The following WIPI1 variants were observed in gnomAD, a reference collection of about 807,000 sequenced individuals.
The protein encoded by WIPI1 is WD repeat domain, phosphoinositide interacting 1, also known as WD repeat domain phosphoinositide-interacting protein 1.
Under a neutral mutation model 55.3 loss-of-function variants are expected in WIPI1, and 45 were observed. The observed-to-expected ratio is 0.81, with a 90% CI of 0.64 to 1.04. The LOEUF is 1.04. WIPI1 is among the 50% of genes least tolerant of loss of function. WIPI1 has a pLI of 0.00. For synonymous variants in WIPI1, 195 were observed against 217.6 expected (o/e 0.90, Z 0.92); for missense variants, 445 against 559.0 (o/e 0.80, Z 2.06).
chr17:68,456,849 G>A (rs957248881), intron 1 of WIPI1, among the ~76,000 whole-genome samples: 4 of 152,228 alleles, frequency 2.6e-5, no homozygotes, highest in African/African-American at 9.6e-5. Context: ...CTTTGTCCGA[G>A]GCCCTGCCCA....
chr17:68,445,985 A>G (rs1475016368), intron 3 of WIPI1, among the ~76,000 whole-genome samples: 15 of 152,170 alleles, frequency 9.9e-5, no homozygotes, highest in African/African-American at 4.8e-5. Flanking sequence ...CTCAAGAACC[A>G]CTGGTCTCAG....
At chr17:68,429,774 A>G (rs1051533155) in intron 9 of WIPI1, among the ~76,000 whole-genome samples, 2 of 152,146 alleles carry the variant, frequency 1.3e-5, no homozygotes, top group Non-Finnish European at 2.9e-5. Flanking sequence ...TTTTTAGTAG[A>G]GACGGGATTT....
At chr17:68,439,755 G>A (rs929438186) in intron 4 of WIPI1, among the ~76,000 whole-genome samples, 5 of 152,200 alleles carry the variant, frequency 3.3e-5, no homozygotes, top group African/African-American at 4.8e-5. Context: ...AACTCTGGCC[G>A]AGTTATTTGC....
chr17:68,433,400 G>T (rs1222000071), intron 8 of WIPI1, 68 bp downstream of exon 8: 1 of 1,338,946 alleles, frequency 7.5e-7, no homozygotes, highest in Non-Finnish European at 1.1e-6. Context: ...GATCATTCAT[G>T]CCAGTAGAAG....
At chr17:68,457,206 A>T in intron 1 of WIPI1, 136 bp downstream of exon 1, 1 of 1,032,774 alleles carries the variant, frequency 9.7e-7, no homozygotes, top group Non-Finnish European at 1.4e-6. Flanking sequence ...CAAGATCCCA[A>T]TGCGTCCGAA....
intron 4 of WIPI1, among the ~76,000 whole-genome samples, chr17:68,441,692 C>T (rs980644693): frequency 2.6e-5 from 4 of 152,130 alleles, no homozygotes; most frequent in Admixed American, 1.3e-4. Flanking sequence ...ATGGACAGGG[C>T]GGACCCACCT....
At chr17:68,457,312 C>T in intron 1 of WIPI1, 30 bp downstream of exon 1, 1 of 1,539,678 alleles carries the variant, frequency 6.5e-7, no homozygotes, top group Admixed American at 2.0e-5. Context: ...TGTCCCCCAC[C>T]TCCCTGGCAG....
rs887146669 is a variant in WIPI1 at position 68,427,182 on chromosome 17, G to A, written c.1145C>T (p.Ala382Val). 2 of 1,614,022 alleles carry A rather than the reference G, an allele frequency of 1.2e-6. No individual in the cohort carries two copies. Among genetic ancestry groups the A allele is most frequent in the Admixed American group, 1.7e-5 (1 of 60,000 alleles). Residue 382 changes from alanine (A) to valine (V), a missense_variant, in exon 11 of 13, where the codon GCA becomes GTA. Coordinates refer to ENST00000262139, the MANE Select transcript of WIPI1 (RefSeq NM_017983.7). ...DLRPSLPQSYAATVARPSASS... is the reference protein window; with the variant it reads ...DLRPSLPQSYVATVARPSASS... ...TGCACTTGGTCTGGCTACGGTCGCTGCATAAGACTGAGGTAAGGAAGGTCT... is the reference window on the plus strand; with the variant it reads ...TGCACTTGGTCTGGCTACGGTCGCTACATAAGACTGAGGTAAGGAAGGTCT...
In WIPI1 at chr17:68,433,841, G is replaced by A. The variant is rs147513956; in HGVS notation, c.693-266C>T. ...TCTGTTGCCCAGGCTGGAGTACGGT[G>A]GCTTGATCTCAACTCACTGCAACCT... On this transcript the variant is annotated intron_variant, in intron 7 of 12. Transcript: ENST00000262139. Among the ~76,000 whole-genome samples the A allele has an allele frequency of 2.0e-3, 258 of 130,094 alleles. 2 individuals are homozygous for A. Among genetic ancestry groups the A allele is most frequent in the African/African-American group, 7.1e-3 (238 of 33,468 alleles). The allele number at this position is 130,094 out of a possible 152,430, so 85.3% of individuals were successfully genotyped here.
In WIPI1 at chr17:68,426,168, A is replaced by C; in HGVS notation, c.1200T>G (p.Ser400=). ...ASSASTVPGY[S]EDGGALRGEV... is the part of the protein sequence containing the mutation. ...CTCCTCGCAGCGCCCCGCCGTCCTC[A>C]GAATAACCTGGAAACCAAGAAAGAG... The change falls in exon 12 of 13, where the codon TCT becomes TCG. Residue 400 remains serine (S), a synonymous_variant. Coordinates refer to ENST00000262139, the MANE Select transcript of WIPI1 (RefSeq NM_017983.7). The C allele has an allele frequency of 1.9e-6, 3 of 1,606,636 alleles. No homozygotes were observed. Among genetic ancestry groups the C allele is most frequent in the Non-Finnish European group, 2.6e-6 (3 of 1,176,410 alleles).
At chr17:68,434,423 G>A in intron 7 of WIPI1, 133 bp downstream of exon 7, 1 of 828,512 alleles carries the variant, frequency 1.2e-6, no homozygotes, top group Non-Finnish European at 1.9e-6. Context: ...CAATTACCTG[G>A]GAGAGTAGTT....
chr17:68,444,234 C>T (rs1289975190), intron 4 of WIPI1, among the ~76,000 whole-genome samples: 1 of 152,222 alleles, frequency 6.6e-6, no homozygotes, highest in Non-Finnish European at 1.5e-5. Flanking sequence ...CGTGCCTTGA[C>T]ACATTTGCTG....
chr17:68,421,447 T>C lies in WIPI1; in HGVS notation c.*326A>G, dbSNP rs112177875. ...AAGAGATGTTCCTATAAGTACATTT[T>C]TTACACGGCATATATTTAAAAAGGA... On this transcript the variant is annotated 3_prime_UTR_variant, in exon 13 of 13. Coordinates refer to ENST00000262139, the MANE Select transcript of WIPI1 (RefSeq NM_017983.7). The C allele has an allele frequency of 9.2e-6, 3 of 324,516 alleles. No individual in the cohort carries two copies. Among genetic ancestry groups the C allele is most frequent in the African/African-American group, 2.1e-5 (1 of 48,540 alleles). 20.1% of individuals were successfully genotyped at this position (324,516 alleles called of 1,614,324 possible).
At position 68,457,392 on chromosome 17, in the gene WIPI1, C is replaced by CG; in HGVS notation, c.29dup (p.Gly12ArgfsTer3). ...AGCTGAGCGCCGACTCAACCCCGCC[C>CG]GGGGGAGCGTCCGCGGCCTCGGCCT... is the stretch of plus-strand genomic sequence containing the variant. On this transcript the variant is annotated frameshift_variant, in exon 1 of 13. Coordinates refer to ENST00000262139, the MANE Select transcript of WIPI1 (RefSeq NM_017983.7). LOFTEE classifies it high-confidence loss of function. The CG allele has an allele frequency of 6.5e-7, 1 of 1,534,758 alleles. No individual in the cohort carries two copies. Among genetic ancestry groups the CG allele is most frequent in the Non-Finnish European group, 8.8e-7 (1 of 1,142,018 alleles).
At position 68,435,704 on chromosome 17, in the gene WIPI1, G is replaced by A. The variant is rs368362103; in HGVS notation, c.537C>T (p.Val179=). ...VLYDGNSLKT[V]CTIAAHEGTL... ...TTCCCTCATGGGCAGCAATAGTGCA[G>A]ACTGTTTTCTGTTGGTGAAAAGGAA... is the stretch of plus-strand genomic sequence containing the variant. Residue 179 remains valine, a synonymous_variant, in exon 6 of 13, where the codon GTC becomes GTT. Coordinates refer to ENST00000262139, the MANE Select transcript of WIPI1 (RefSeq NM_017983.7). 6.2e-7 allele frequency: 1 copy of A among 1,614,216 alleles called. No individual in the cohort carries two copies. The highest frequency in any genetic ancestry group is 8.5e-7 in the Non-Finnish European group (1 of 1,180,012).
rs2084469476 is a variant in WIPI1, at chr17:68,450,775, T to A, written c.286A>T (p.Asn96Tyr). Residue 96 changes from asparagine to tyrosine, a missense_variant, in exon 3 of 13, where the codon AAT (asparagine) becomes TAT (tyrosine). Coordinates refer to ENST00000262139, the MANE Select transcript of WIPI1 (RefSeq NM_017983.7). ...AAGATGTTGCTGGAGTAGCTGTAAT[T>A]ACAGATCTCTGTGCCTTTCTTGAAG... is the stretch of plus-strand genomic sequence containing the variant. ...YHFKKGTEIC[N>Y]YSYSSNILSI... 1 of 1,613,668 alleles carries A rather than the reference T, an allele frequency of 6.2e-7. No homozygotes were observed. The highest frequency in any genetic ancestry group is 1.7e-5 in the Admixed American group (1 of 59,974).
chr17:68,443,727 T>C (rs992956012), intron 4 of WIPI1, among the ~76,000 whole-genome samples: 5 of 152,202 alleles, frequency 3.3e-5, no homozygotes, highest in South Asian at 4.1e-4. Context: ...TGTTCAATGA[T>C]ACTAAACTGA....
chr17:68,446,911 C>G (rs1452743424), intron 3 of WIPI1, among the ~76,000 whole-genome samples: 2 of 152,168 alleles, frequency 1.3e-5, no homozygotes, highest in East Asian at 3.8e-4. Flanking sequence ...CAGAGGGAAA[C>G]AGAGAGAAAA....
At chr17:68,444,670 A>G (rs1267902953) in intron 3 of WIPI1, 81 bp from the exon 4 acceptor site, 1 of 1,181,100 alleles carries the variant, frequency 8.5e-7, no homozygotes, top group Non-Finnish European at 1.2e-6. Flanking sequence ...CATCTTTCAT[A>G]TGAGTCCTAA....
Sources: allele counts gnomAD v4.1 joint callset (sites outside exome capture counted in the v4.1 genomes callset), GRCh38; gene constraint gnomAD v4.1.1; transcripts MANE v1.5; gene names NCBI Gene and HGNC (gene_info 2026-07-23, HGNC 2026-07-21).